Variants in CCDC38 observed in about 807,000 individuals in gnomAD.
CCDC38 encodes the protein coiled-coil domain containing 38.
A neutral mutation model predicts 72.8 loss-of-function variants in CCDC38; 69 were observed. That is an observed-to-expected ratio of 0.95 (90% CI 0.78 to 1.16). CCDC38 has a LOEUF of 1.16. Among genes scored for constraint, CCDC38 ranks in the 50% most tolerant of loss-of-function variants. The pLI, the probability that CCDC38 is intolerant of heterozygous loss-of-function variation, is 0.00. For missense variants in CCDC38, 626 were observed against 638.9 expected, an observed-to-expected ratio of 0.98 and a Z score of 0.22; for synonymous variants, 201 against 213.2, an observed-to-expected ratio of 0.94 and a Z score of 0.50.
chr12:95,904,557 T>C (rs1268489880), intron 5 of CCDC38, among the ~76,000 whole-genome samples: 1 of 152,228 alleles, frequency 6.6e-6, no homozygotes, highest in Non-Finnish European at 1.5e-5. Context: ...CTTCCAGTGT[T>C]CCCTCCCCAT....
At chr12:95,919,249 G>T (rs552736178) in intron 2 of CCDC38, among the ~76,000 whole-genome samples, 1 of 152,354 alleles carries the variant, frequency 6.6e-6, no homozygotes, top group East Asian at 1.9e-4. Context: ...AAAAAGGGAA[G>T]TGAAGTACAG....
chr12:95,941,358 A>G (rs1436547734), intron 1 of CCDC38, among the ~76,000 whole-genome samples: 1 of 152,236 alleles, frequency 6.6e-6, no homozygotes, highest in Non-Finnish European at 1.5e-5. Context: ...AATACCTATT[A>G]CTTGTTTAGA....
At chr12:95,869,821 A>ATT (rs56007426) in intron 14 of CCDC38, 70 of 278,230 alleles carry the variant, frequency 2.5e-4, no homozygotes, top group East Asian at 1.9e-3. Context: ...ATCTTGGTCT[A>ATT]TTTTTTTTTT....
At chr12:95,894,311 A>T (rs1176969455) in intron 8 of CCDC38, among the ~76,000 whole-genome samples, 1 of 152,206 alleles carries the variant, frequency 6.6e-6, no homozygotes, top group South Asian at 2.1e-4. Context: ...AAAATCAAAC[A>T]GTCTCTCAGG....
intron 9 of CCDC38, among the ~76,000 whole-genome samples, chr12:95,890,337 G>C (rs1486115357): frequency 6.6e-6 from 1 of 152,224 alleles, no homozygotes; most frequent in Non-Finnish European, 1.5e-5. Flanking sequence ...GAGGAGGAGG[G>C]TCATTCCACC....
intron 10 of CCDC38, among the ~76,000 whole-genome samples, chr12:95,882,534 A>C (rs1340672202): frequency 6.6e-6 from 1 of 152,170 alleles, no homozygotes; most frequent in Non-Finnish European, 1.5e-5. Context: ...GCTGGAGAGA[A>C]AGTGTGGGAA....
At chr12:95,900,307 T>C (rs769293353) in intron 5 of CCDC38, among the ~76,000 whole-genome samples, 4 of 152,114 alleles carry the variant, frequency 2.6e-5, no homozygotes, top group Admixed American at 1.3e-4. Context: ...AAGATCAAAA[T>C]TCTAAAATCC....
At chr12:95,917,510 T>C (rs1349388159) in intron 3 of CCDC38, among the ~76,000 whole-genome samples, 1 of 152,166 alleles carries the variant, frequency 6.6e-6, no homozygotes, top group African/African-American at 2.4e-5. Flanking sequence ...ACATCACAAA[T>C]ACAAGACTGG....
intron 1 of CCDC38, among the ~76,000 whole-genome samples, chr12:95,936,912 C>T (rs1296569989): frequency 1.3e-5 from 2 of 152,068 alleles, no homozygotes; most frequent in Non-Finnish European, 2.9e-5. Flanking sequence ...AAAATGCATG[C>T]AAAAATCTGA....
chr12:95,911,538 C>T (rs1432265486), intron 4 of CCDC38, among the ~76,000 whole-genome samples: 1 of 151,940 alleles, frequency 6.6e-6, no homozygotes, highest in African/African-American at 2.4e-5. Context: ...GAAACTTAAA[C>T]AAATTAACAA....
intron 4 of CCDC38, among the ~76,000 whole-genome samples, chr12:95,906,784 T>C (rs1188805643): frequency 6.8e-6 from 1 of 146,288 alleles, no homozygotes; most frequent in African/African-American, 2.5e-5. Flanking sequence ...TTTTTTTTTT[T>C]CCAATCAAGA....
rs778761592 is a variant in CCDC38, at chr12:95,898,719, T to C, written c.382A>G (p.Thr128Ala). ...AACTTTTTGATTGTGTTTCTTTTGG[T>C]TGACAAAGCATACTAGGGGCATTGA... ...DRFLLEYALS[T>A]KRNTIKKFEK... Residue 128 changes from threonine (T) to alanine (A), a missense_variant, in exon 6 of 16, where the codon ACC becomes GCC. Thr to Ala is a moderately conservative substitution (Grantham distance 58). Coordinates refer to ENST00000344280, the MANE Select transcript of CCDC38 (RefSeq NM_182496.3). 2 of 1,613,730 alleles carry C rather than the reference T, an allele frequency of 1.2e-6. No individual in the cohort carries two copies. The highest frequency in any genetic ancestry group is 1.1e-5 in the South Asian group (1 of 91,054).
At chr12:95,916,561 C>G (rs2080147178) in intron 4 of CCDC38, among the ~76,000 whole-genome samples, 1 of 151,916 alleles carries the variant, frequency 6.6e-6, no homozygotes, top group Non-Finnish European at 1.5e-5. Context: ...TCTATAGGCA[C>G]TACTTGGTTT....
At chr12:95,902,686 T>C (rs1225757560) in intron 5 of CCDC38, among the ~76,000 whole-genome samples, 2 of 152,188 alleles carry the variant, frequency 1.3e-5, no homozygotes, top group African/African-American at 2.4e-5. Context: ...TGAGCACATA[T>C]GCTTTTATTT....
At position 95,936,533 on chromosome 12, in the gene CCDC38, GA is replaced by G. The variant is rs56667838; in HGVS notation, c.-14-11del. ...ATTTTCTTGCCTGGCCCTGTTGAAA[GA>G]AAAAAAAATACGTTTTTTAAAAATT... On this transcript the variant is annotated splice_polypyrimidine_tract_variant and intron_variant, in intron 1 of 15. Coordinates refer to ENST00000344280, the MANE Select transcript of CCDC38 (RefSeq NM_182496.3). 638,330 of 1,587,748 alleles carry G rather than the reference GA, an allele frequency of 0.4. 130,441 individuals carry two copies. The highest frequency in any genetic ancestry group is 0.59 in the Admixed American group (33,681 of 57,072).
At chr12:95,876,233 T>G (rs1303365077) in intron 13 of CCDC38, among the ~76,000 whole-genome samples, 1 of 152,206 alleles carries the variant, frequency 6.6e-6, no homozygotes, top group Non-Finnish European at 1.5e-5. Flanking sequence ...TTTTGTGACG[T>G]ACCTAGAATA....
At chr12:95,922,004 A>C (rs893649846) in intron 2 of CCDC38, among the ~76,000 whole-genome samples, 4 of 152,232 alleles carry the variant, frequency 2.6e-5, no homozygotes, top group African/African-American at 9.6e-5. Context: ...TGTAATGTAC[A>C]TCCAGGACTA....
intron 15 of CCDC38, among the ~76,000 whole-genome samples, 184 bp downstream of exon 15, chr12:95,869,296 A>T (rs2079555002): frequency 6.6e-6 from 1 of 152,308 alleles, no homozygotes; most frequent in East Asian, 1.9e-4. Context: ...CTAATTGAGA[A>T]CTGGAGAGCC....
chr12:95,889,883 A>C (rs575488388), intron 9 of CCDC38, among the ~76,000 whole-genome samples: 1 of 150,944 alleles, frequency 6.6e-6, no homozygotes, highest in South Asian at 2.1e-4. Context: ...TTTTCATGAC[A>C]TATGCTTATT....
Sources: gnomAD v4.1 joint callset for allele counts (sites outside exome capture counted in the v4.1 genomes callset) on GRCh38, gnomAD v4.1.1 for gene constraint, MANE v1.5 for transcripts, NCBI Gene and HGNC (gene_info 2026-07-23, HGNC 2026-07-21) for gene names.